Variants in ADGB observed in about 807,000 individuals in gnomAD.
ADGB encodes calpain-7-like protein.
A neutral mutation model predicts 210.5 loss-of-function variants in ADGB; 172 were observed. That is an observed-to-expected ratio of 0.82 (90% CI 0.72 to 0.93). ADGB has a LOEUF of 0.93. Ranked by LOEUF, ADGB falls within the 40% of genes least tolerant of loss-of-function variation. The probability of loss-of-function intolerance (pLI) is 0.00; values close to 1 mark genes in which losing one functional copy is unlikely to be tolerated. For missense variants in ADGB, 2,025 were observed against 1,964.8 expected, an observed-to-expected ratio of 1.03 and a Z score of -0.58; for synonymous variants, 658 against 662.7, an observed-to-expected ratio of 0.99 and a Z score of 0.11.
intron 20 of ADGB, among the ~76,000 whole-genome samples, chr6:146,730,210 G>T (rs1415227069): frequency 6.6e-6 from 1 of 152,080 alleles, no homozygotes; most frequent in East Asian, 1.9e-4. Flanking sequence ...GGTGCTTGGG[G>T]TTCTTGAGGA....
chr6:146,599,740 G>A (rs761789678), intron 1 of ADGB, among the ~76,000 whole-genome samples: 1 of 152,148 alleles, frequency 6.6e-6, no homozygotes, highest in Non-Finnish European at 1.5e-5. Context: ...TTGTGTCTTA[G>A]GATGTACTTC....
At chr6:146,635,300 T>C in intron 1 of ADGB, 75 bp from the exon 2 acceptor site, 1 of 1,259,110 alleles carries the variant, frequency 7.9e-7, no homozygotes, top group Non-Finnish European at 1.0e-6. Flanking sequence ...CAAATTTATG[T>C]TATGCAGTTA....
chr6:146,756,426 G>T (rs1777407119), intron 27 of ADGB, among the ~76,000 whole-genome samples: 1 of 152,044 alleles, frequency 6.6e-6, no homozygotes, highest in African/African-American at 2.4e-5. Flanking sequence ...TACAGTTCAG[G>T]CTGTGACCTT....
chr6:146,677,023 G>C (rs1354154253), intron 9 of ADGB, among the ~76,000 whole-genome samples: 5 of 152,086 alleles, frequency 3.3e-5, no homozygotes, highest in Non-Finnish European at 7.4e-5. Context: ...AAATGCTAGG[G>C]TTTCTCTATC....
intron 4 of ADGB, among the ~76,000 whole-genome samples, chr6:146,655,159 G>A (rs553549664): frequency 6.6e-6 from 1 of 152,086 alleles, no homozygotes; most frequent in Non-Finnish European, 1.5e-5. Context: ...GTGAGCCTCT[G>A]TTCTCCTGCC....
intron 3 of ADGB, among the ~76,000 whole-genome samples, chr6:146,651,670 G>A (rs896964188): frequency 6.6e-6 from 1 of 152,164 alleles, no homozygotes; most frequent in East Asian, 1.9e-4. Context: ...TAGACTAATC[G>A]TTCATAACTC....
intron 1 of ADGB, among the ~76,000 whole-genome samples, chr6:146,610,811 G>A (rs1193727938): frequency 6.6e-6 from 1 of 152,162 alleles, no homozygotes; most frequent in Non-Finnish European, 1.5e-5. Flanking sequence ...TCACAGTGAG[G>A]TCTGCTCATA....
intron 1 of ADGB, among the ~76,000 whole-genome samples, chr6:146,603,522 C>A (rs554535463): frequency 6.6e-6 from 1 of 152,044 alleles, no homozygotes; most frequent in Admixed American, 6.6e-5. Flanking sequence ...TTTTTCACTT[C>A]CAAAAGGACA....
chr6:146,599,558 C>G (rs73588027), intron 1 of ADGB, among the ~76,000 whole-genome samples: 2,727 of 152,234 alleles, frequency 0.018, 68 homozygotes, highest in African/African-American at 0.062. Context: ...TTGCATCTGC[C>G]CAGTCCAACG....
chr6:146,706,094 T>TA (rs34229443), intron 13 of ADGB, among the ~76,000 whole-genome samples: 33 of 149,524 alleles, frequency 2.2e-4, no homozygotes, highest in Admixed American at 5.4e-4. Context: ...TTGGTTAATT[T>TA]AAAAAAAAAA....
At chr6:146,781,056 G>A (rs923789579) in intron 29 of ADGB, among the ~76,000 whole-genome samples, 7 of 151,504 alleles carry the variant, frequency 4.6e-5, no homozygotes, top group Non-Finnish European at 5.9e-5. Flanking sequence ...GGCCGGGCGC[G>A]GTAGCTCACG....
At chr6:146,792,763 AC>A (rs1420516173) in intron 33 of ADGB, among the ~76,000 whole-genome samples, 1 of 152,156 alleles carries the variant, frequency 6.6e-6, no homozygotes, top group Non-Finnish European at 1.5e-5. Context: ...GGAAAGGAGG[AC>A]CTAGACCAAG....
At chr6:146,638,222 G>C (rs78565179) in intron 2 of ADGB, among the ~76,000 whole-genome samples, 1 of 151,900 alleles carries the variant, frequency 6.6e-6, no homozygotes, top group Non-Finnish European at 1.5e-5. Context: ...TTACAAAAAA[G>C]TGCAGCTCGC....
chr6:146,779,595 C>T (rs753542131), intron 29 of ADGB, among the ~76,000 whole-genome samples: 7 of 151,826 alleles, frequency 4.6e-5, no homozygotes, highest in Non-Finnish European at 5.9e-5. Context: ...AAGTGATTCT[C>T]GGTAATATTA....
chr6:146,792,954 A>G (rs1251847355), intron 33 of ADGB, among the ~76,000 whole-genome samples: 1 of 152,174 alleles, frequency 6.6e-6, no homozygotes, highest in Non-Finnish European at 1.5e-5. Context: ...ACAGCTCTTA[A>G]AGATGGCATG....
chr6:146,717,755 G>T lies in ADGB; in HGVS notation c.1992+156G>T, dbSNP rs80279989. Among the ~76,000 whole-genome samples the T allele has an allele frequency of 3.7e-4, 56 of 152,034 alleles. No individual in the cohort carries two copies. The East Asian group carries it at 0.01, about 28-fold the overall frequency. On this transcript the variant is annotated intron_variant, in intron 16 of 35. Coordinates refer to ENST00000397944, the MANE Select transcript of ADGB (RefSeq NM_024694.4). ...GAGTCTCTCACTAATCCTTATCCAA[G>T]CAATAAGCAAAATTCCACTAGCTCA...
chr6:146,638,531 A>G (rs1352259433), intron 2 of ADGB, among the ~76,000 whole-genome samples: 2 of 139,994 alleles, frequency 1.4e-5, no homozygotes, highest in African/African-American at 5.4e-5. Flanking sequence ...ACATGTTCTC[A>G]CTCATAGGTG....
At chr6:146,654,044 C>T in intron 3 of ADGB, 91 bp from the exon 4 acceptor site, 1 of 843,242 alleles carries the variant, frequency 1.2e-6, no homozygotes, top group Non-Finnish European at 1.7e-6. Flanking sequence ...AAAATTGCAA[C>T]TTCAGGCATA....
At chr6:146,722,142 A>T (rs1476535634) in intron 17 of ADGB, among the ~76,000 whole-genome samples, 3 of 152,126 alleles carry the variant, frequency 2.0e-5, no homozygotes, top group African/African-American at 7.2e-5. Flanking sequence ...CTTTGATTTG[A>T]CATTCCAACA....
Sources: allele counts gnomAD v4.1 joint callset (sites outside exome capture counted in the v4.1 genomes callset), GRCh38; gene constraint gnomAD v4.1.1; transcripts MANE v1.5; gene names NCBI Gene and HGNC (gene_info 2026-07-23, HGNC 2026-07-21).